The following ULK4 variants were observed in gnomAD, a reference collection of about 807,000 sequenced individuals.
ULK4 encodes the protein inactive serine/threonine-protein kinase ULK4.
Under a neutral mutation model 160.6 loss-of-function variants are expected in ULK4, and 133 were observed. The ratio of observed to expected loss-of-function variants is 0.83; its 90% CI spans 0.72 to 0.96. ULK4 has a LOEUF of 0.96. Among genes scored for constraint, ULK4 ranks in the 40% least tolerant of loss-of-function variants. The pLI is 0.00. For missense variants in ULK4, 1,580 were observed against 1,499.5 expected, an observed-to-expected ratio of 1.05 and a Z score of -0.89; for synonymous variants, 534 against 539.8, an observed-to-expected ratio of 0.99 and a Z score of 0.15.
At chr3:41,752,587 A>G (rs1438288538) in intron 22 of ULK4, among the ~76,000 whole-genome samples, 1 of 152,218 alleles carries the variant, frequency 6.6e-6, no homozygotes. Flanking sequence ...CACAAAAATC[A>G]AGAGAAGAAT....
chr3:41,444,324 C>A (rs2083242184), intron 34 of ULK4, among the ~76,000 whole-genome samples: 1 of 151,186 alleles, frequency 6.6e-6, no homozygotes, highest in African/African-American at 2.5e-5. Context: ...GACCACTTTT[C>A]TCTTGGGGGT....
At chr3:41,940,334 T>C (rs984924826) in intron 2 of ULK4, among the ~76,000 whole-genome samples, 5 of 152,162 alleles carry the variant, frequency 3.3e-5, no homozygotes, top group Non-Finnish European at 5.9e-5. Context: ...TCCCACCTCC[T>C]TGGCTGCAGC....
At chr3:41,379,151 C>T (rs1209921982) in intron 35 of ULK4, among the ~76,000 whole-genome samples, 1 of 151,348 alleles carries the variant, frequency 6.6e-6, no homozygotes, top group Non-Finnish European at 1.5e-5. Context: ...ACATGTATAC[C>T]TATGTAATAA....
chr3:41,558,185 T>G (rs59729000), intron 32 of ULK4, among the ~76,000 whole-genome samples: 8,930 of 152,200 alleles, frequency 0.059, 846 homozygotes, highest in African/African-American at 0.2. Flanking sequence ...GAACTGTCTG[T>G]AACAGCAAAA....
chr3:41,539,195 T>C (rs2086615450), intron 32 of ULK4, among the ~76,000 whole-genome samples: 4 of 152,156 alleles, frequency 2.6e-5, no homozygotes. Context: ...GGGTCAACTG[T>C]ATTTTAAGCT....
chr3:41,449,555 C>A (rs971973941), intron 34 of ULK4, among the ~76,000 whole-genome samples: 7 of 151,990 alleles, frequency 4.6e-5, no homozygotes, highest in Non-Finnish European at 8.8e-5. Flanking sequence ...TACTACTACC[C>A]CTGGGCTCCA....
chr3:41,259,948 C>G (rs1176347022), intron 35 of ULK4: 1 of 152,126 alleles, frequency 6.6e-6, no homozygotes, highest in Non-Finnish European at 1.5e-5. Context: ...CTTCTTGGTG[C>G]TTGTTATTAC....
At chr3:41,734,592 C>T (rs1575623640) in intron 22 of ULK4, among the ~76,000 whole-genome samples, 1 of 152,032 alleles carries the variant, frequency 6.6e-6, no homozygotes, top group African/African-American at 2.4e-5. Flanking sequence ...AAAAAGAAGG[C>T]TCAGCAAATG....
At chr3:41,265,556 A>G (rs1369576768) in intron 35 of ULK4, among the ~76,000 whole-genome samples, 1 of 152,256 alleles carries the variant, frequency 6.6e-6, no homozygotes, top group Non-Finnish European at 1.5e-5. Context: ...TAAAGCCGTC[A>G]GGCACCAATT....
At chr3:41,538,920 ATATTT>A (rs1043937875) in intron 32 of ULK4, among the ~76,000 whole-genome samples, 26 of 151,744 alleles carry the variant, frequency 1.7e-4, no homozygotes, top group African/African-American at 6.0e-4. Context: ...TATTTTTTAT[ATATTT>A]TATTTAAGAT....
chr3:41,726,425 T>C (rs988618887), intron 22 of ULK4, among the ~76,000 whole-genome samples: 2 of 152,172 alleles, frequency 1.3e-5, no homozygotes, highest in Admixed American at 6.5e-5. Flanking sequence ...AGAATTCACA[T>C]CTATAAAGGA....
intron 35 of ULK4, among the ~76,000 whole-genome samples, chr3:41,267,020 G>GT (rs1422269566): frequency 7.6e-6 from 1 of 130,952 alleles, no homozygotes; most frequent in Non-Finnish European, 1.6e-5. Flanking sequence ...GTCTCTATTG[G>GT]GGGGGGGGGG....
At chr3:41,611,708 T>A (rs2032686295) in intron 31 of ULK4, among the ~76,000 whole-genome samples, 1 of 152,164 alleles carries the variant, frequency 6.6e-6, no homozygotes, top group Non-Finnish European at 1.5e-5. Flanking sequence ...CCAATCAGCC[T>A]GCCTCCTCAT....
At chr3:41,661,490 TAGAC>T (rs768886922) in intron 30 of ULK4, among the ~76,000 whole-genome samples, 29 of 136,128 alleles carry the variant, frequency 2.1e-4, no homozygotes, top group African/African-American at 5.3e-4. Flanking sequence ...GGCAGGCAGA[TAGAC>T]AGATAGATAG....
chr3:41,537,573 A>G (rs2086546853), intron 32 of ULK4, among the ~76,000 whole-genome samples: 2 of 152,198 alleles, frequency 1.3e-5, no homozygotes, highest in African/African-American at 4.8e-5. Flanking sequence ...TGATACCTTC[A>G]GTGTTTAACT....
chr3:41,816,476 G>C (rs993234322), intron 19 of ULK4, among the ~76,000 whole-genome samples: 6 of 152,140 alleles, frequency 3.9e-5, no homozygotes, highest in Admixed American at 6.6e-5. Flanking sequence ...AATAGAAAAA[G>C]ATGGTCATCC....
chr3:41,644,099 C>T (rs984869822), intron 30 of ULK4, among the ~76,000 whole-genome samples: 5 of 152,162 alleles, frequency 3.3e-5, no homozygotes, highest in African/African-American at 9.7e-5. Flanking sequence ...TGGGCTGAGA[C>T]AATGGGGCTT....
chr3:41,349,878 T>C (rs2080874635), intron 35 of ULK4, among the ~76,000 whole-genome samples: 1 of 152,186 alleles, frequency 6.6e-6, no homozygotes, highest in African/African-American at 2.4e-5. Context: ...CCCCTATAAA[T>C]ATCACCATAG....
chr3:41,901,487 T>C, intron 12 of ULK4, among the ~76,000 whole-genome samples: 1 of 83,484 alleles, frequency 1.2e-5, no homozygotes, highest in Non-Finnish European at 3.0e-5. Flanking sequence ...GCCTTTTTTT[T>C]TTTTTTTTTT....
Sources: gnomAD v4.1 joint callset for allele counts (sites outside exome capture counted in the v4.1 genomes callset) on GRCh38, gnomAD v4.1.1 for gene constraint, MANE v1.5 for transcripts, NCBI Gene and HGNC (gene_info 2026-07-23, HGNC 2026-07-21) for gene names.